The following BCAS2 variants were observed in gnomAD, a reference collection of about 807,000 sequenced individuals.
The protein encoded by BCAS2 is pre-mRNA-splicing factor SPF27.
BCAS2 carries 34 observed loss-of-function variants against 35.3 expected under a neutral mutation model. The observed-to-expected ratio is 0.96, with a 90% CI of 0.73 to 1.28. The LOEUF (loss-of-function observed/expected upper bound fraction) is 1.28, where lower values mean the gene tolerates loss of function less well. BCAS2 is among the 50% of genes most tolerant of loss of function. The pLI is 0.00. For synonymous variants in BCAS2, 75 were observed against 91.6 expected, an observed-to-expected ratio of 0.82 and a Z score of 1.03; for missense variants, 221 against 268.1, an observed-to-expected ratio of 0.82 and a Z score of 1.23.
intron 2 of BCAS2, among the ~76,000 whole-genome samples, chr1:114,580,587 C>T (rs1329415175): frequency 6.6e-6 from 1 of 152,098 alleles, no homozygotes; most frequent in East Asian, 1.9e-4. Flanking sequence ...TAGCTCCTCA[C>T]TGTATTGTAT....
At chr1:114,573,622 C>T (rs1012819174) in intron 4 of BCAS2, among the ~76,000 whole-genome samples, 2 of 152,218 alleles carry the variant, frequency 1.3e-5, no homozygotes, top group Non-Finnish European at 2.9e-5. Flanking sequence ...GGTTACTTGG[C>T]ATAAAACTTA....
chr1:114,573,524 C>T (rs74115237), intron 4 of BCAS2, among the ~76,000 whole-genome samples: 1 of 152,268 alleles, frequency 6.6e-6, no homozygotes, highest in African/African-American at 2.4e-5. Flanking sequence ...TGAACCACGC[C>T]TGGCAATGCC....
chr1:114,575,648 T>C lies in BCAS2; in HGVS notation c.361A>G (p.Ile121Val), dbSNP rs1361684810. 1 of 1,612,702 alleles carries C rather than the reference T, an allele frequency of 6.2e-7. No homozygotes were observed. Among genetic ancestry groups the C allele is most frequent in the African/African-American group, 1.3e-5 (1 of 75,018 alleles). ...MAQLEHQAVR[I>V]ENLELMSQHG... ...TGTGACATTAGTTCCAGATTCTCAA[T>C]TCTAACTGCTTGATGCTCTAACTGG... Residue 121 changes from isoleucine to valine, a missense_variant, in exon 4 of 7, where the codon ATT becomes GTT. Coordinates refer to ENST00000369541, the MANE Select transcript of BCAS2 (RefSeq NM_005872.3).
chr1:114,576,791 A>T (rs755840385), intron 2 of BCAS2, 33 bp from the exon 3 acceptor site: 1 of 1,528,982 alleles, frequency 6.5e-7, no homozygotes, highest in Non-Finnish European at 9.0e-7. Flanking sequence ...GATTTCTAAG[A>T]TCATGTTGAC....
At chr1:114,568,389 G>C (rs530437919) in intron 6 of BCAS2, 133 bp from the exon 7 acceptor site, 445 of 933,810 alleles carry the variant, frequency 4.8e-4, no homozygotes, top group Non-Finnish European at 5.2e-4. Context: ...TTTTTGAGAC[G>C]GAGTCTCGCT....
intron 6 of BCAS2, among the ~76,000 whole-genome samples, 172 bp from the exon 7 acceptor site, chr1:114,568,428 G>A (rs1034995985): frequency 1.3e-5 from 2 of 149,730 alleles, no homozygotes; most frequent in East Asian, 3.9e-4. Flanking sequence ...GAACAATGGC[G>A]CAACCTCAGC....
chr1:114,575,036 CTT>C (rs546575497), intron 4 of BCAS2, among the ~76,000 whole-genome samples: 23 of 140,198 alleles, frequency 1.6e-4, no homozygotes, highest in Non-Finnish European at 1.7e-4. Context: ...GCCGGCTAAT[CTT>C]TTTTTTTTTT....
chr1:114,581,490 C>A lies in BCAS2; in HGVS notation c.93+9G>T, dbSNP rs1474362208. The A allele has an allele frequency of 1.5e-5, 24 of 1,613,982 alleles. 1 individual carries two copies. The Admixed American group carries it at 3.0e-4, about 20-fold the overall frequency. ...CAGTGAGTCAGCTACAAAGACACCC[C>A]GCACTCACCGCTTCCCGCACACCAG... On this transcript the variant is annotated intron_variant, in intron 1 of 6. Coordinates refer to ENST00000369541, the MANE Select transcript of BCAS2 (RefSeq NM_005872.3).
At chr1:114,575,108 G>A (rs1654728838) in intron 4 of BCAS2, among the ~76,000 whole-genome samples, 1 of 150,952 alleles carries the variant, frequency 6.6e-6, no homozygotes, top group Admixed American at 6.6e-5. Flanking sequence ...CTGACCTCAG[G>A]TGATCCACCC....
chr1:114,573,756 C>G (rs1160625439), intron 4 of BCAS2, among the ~76,000 whole-genome samples: 1 of 152,082 alleles, frequency 6.6e-6, no homozygotes, highest in Non-Finnish European at 1.5e-5. Context: ...CTTTTTCCCC[C>G]CTTGCAATAT....
intron 4 of BCAS2, among the ~76,000 whole-genome samples, chr1:114,571,498 A>T (rs1557930393): frequency 1.3e-5 from 2 of 152,028 alleles, no homozygotes; most frequent in Non-Finnish European, 2.9e-5. Flanking sequence ...CTTGGATTAC[A>T]GGCATAAGCC....
chr1:114,579,847 C>T (rs558894309), intron 2 of BCAS2, among the ~76,000 whole-genome samples: 16 of 152,220 alleles, frequency 1.1e-4, no homozygotes, highest in Non-Finnish European at 1.8e-4. Flanking sequence ...GCCTGGGTGA[C>T]GTAATGAGAC....
intron 2 of BCAS2, among the ~76,000 whole-genome samples, chr1:114,577,730 T>C (rs1654800563): frequency 6.6e-6 from 1 of 152,230 alleles, no homozygotes; most frequent in African/African-American, 2.4e-5. Context: ...CTAACCCATT[T>C]CCATTCTGCA....
chr1:114,572,709 GC>G (rs1217062256), intron 4 of BCAS2, among the ~76,000 whole-genome samples: 1 of 152,292 alleles, frequency 6.6e-6, no homozygotes, highest in East Asian at 1.9e-4. Context: ...AAAGACAAGG[GC>G]AAGTAAAGGC....
intron 6 of BCAS2, among the ~76,000 whole-genome samples, chr1:114,568,883 C>T (rs1654584500): frequency 6.6e-6 from 1 of 151,354 alleles, no homozygotes; most frequent in African/African-American, 2.4e-5. Flanking sequence ...CAACCTCAGC[C>T]TCCTGAAGAG....
In BCAS2 at chr1:114,581,292, T is replaced by C. The variant is rs1295538453; in HGVS notation, c.186+7A>G. ...CTCGTTCACACCTAGGCTCAAGACA[T>C]ACTTACTTCAAAGGCAGAATAATCC... On this transcript the variant is annotated splice_region_variant and intron_variant, in intron 2 of 6. Coordinates refer to ENST00000369541, the MANE Select transcript of BCAS2 (RefSeq NM_005872.3). 4 of 1,613,786 alleles carry C rather than the reference T, an allele frequency of 2.5e-6. No individual in the cohort carries two copies. The highest frequency in any genetic ancestry group is 1.1e-5 in the South Asian group (1 of 91,078).
chr1:114,576,818 T>C, intron 2 of BCAS2, 60 bp from the exon 3 acceptor site: 1 of 1,309,548 alleles, frequency 7.6e-7, no homozygotes, highest in Non-Finnish European at 1.1e-6. Context: ...AAATTAACAA[T>C]CACCAAAGAA....
intron 4 of BCAS2, among the ~76,000 whole-genome samples, chr1:114,574,453 T>C (rs1654712329): frequency 6.6e-6 from 1 of 152,248 alleles, no homozygotes; most frequent in African/African-American, 2.4e-5. Flanking sequence ...AATAAAGAAG[T>C]CTACCAGGAT....
chr1:114,576,795 T>C lies in BCAS2; in HGVS notation c.187-37A>G, dbSNP rs779836704. On this transcript the variant is annotated intron_variant, in intron 2 of 6. Transcript: ENST00000369541. ...ATCAGAAAAAAGATTTCTAAGATCA[T>C]GTTGACAACTAAAAATTAACAATCA... 66 of 1,486,244 alleles carry C rather than the reference T, an allele frequency of 4.4e-5. No homozygotes were observed. The Admixed American group carries it at 1.1e-3, about 26-fold the overall frequency. 92.1% of individuals were successfully genotyped at this position (1,486,244 alleles called of 1,614,324 possible). A position where few individuals can be genotyped will look rare whatever the true frequency, so the allele number is the denominator to read the frequency against.
Sources: allele counts gnomAD v4.1 joint callset (sites outside exome capture counted in the v4.1 genomes callset), GRCh38; gene constraint gnomAD v4.1.1; transcripts MANE v1.5; gene names NCBI Gene and HGNC (gene_info 2026-07-23, HGNC 2026-07-21).